Variants in NAB1 observed in about 807,000 individuals in gnomAD.
NAB1 encodes NGFI-A binding protein 1, also known as NGFI-A-binding protein 1.
Under a neutral mutation model 49.9 loss-of-function variants are expected in NAB1, and 25 were observed. That is an observed-to-expected ratio of 0.50 (90% CI 0.37 to 0.70). The LOEUF (loss-of-function observed/expected upper bound fraction) is 0.70, where lower values mean the gene tolerates loss of function less well. NAB1 is among the 30% of genes least tolerant of loss of function. NAB1 has a pLI of 0.00. For synonymous variants in NAB1, 198 were observed against 215.6 expected, an observed-to-expected ratio of 0.92 and a Z score of 0.71; for missense variants, 489 against 575.9, an observed-to-expected ratio of 0.85 and a Z score of 1.54.
chr2:190,681,318 G>T (rs925019468), intron 6 of NAB1, among the ~76,000 whole-genome samples: 3 of 152,186 alleles, frequency 2.0e-5, no homozygotes, highest in African/African-American at 7.2e-5. Context: ...CGCTTATATT[G>T]AAGTTGTTCT....
At position 190,674,886 on chromosome 2, in the gene NAB1, AC is replaced by A; in HGVS notation, c.1005+1739del. ...GGCAACATGGGGAGACCCTGTCTCT[AC>A]CCCCAAAAAAGTACTTATATTTGTA... On this transcript the variant is annotated intron_variant, in intron 6 of 9. Transcript: ENST00000337386. The surrounding 1 kb of genome is among the most constrained non-coding windows in gnomAD (Gnocchi z 5.7). 6.6e-6 allele frequency among the ~76,000 whole-genome samples: 1 copy of A among 152,244 alleles called. No individual in the cohort carries two copies. The highest frequency in any genetic ancestry group is 1.5e-5 in the Non-Finnish European group (1 of 68,012).
At position 190,690,261 on chromosome 2, in the gene NAB1, A is replaced by G. The variant is rs1559258668; in HGVS notation, c.1392A>G (p.Leu464=). 6.2e-7 allele frequency: 1 copy of G among 1,611,446 alleles called. No individual in the cohort carries two copies. The highest frequency in any genetic ancestry group is 8.5e-7 in the Non-Finnish European group (1 of 1,177,958). Residue 464 remains leucine (L), a synonymous_variant, in exon 10 of 10, where the codon TTA becomes TTG. Transcript: ENST00000337386. ...KSHSSESLGI[L]KDYPHSAFTL... Reference sequence around the variant, plus strand: ...TTTATGTAGAGAGCCTTGGGATTTTAAAAGACTACCCTCATTCAGCTTTTA... The same window carrying G: ...TTTATGTAGAGAGCCTTGGGATTTTGAAAGACTACCCTCATTCAGCTTTTA...
rs529467747 is a variant in NAB1, at chr2:190,667,548, C to G, written c.820-2778C>G. On this transcript the variant is annotated intron_variant, in intron 4 of 9. Transcript: ENST00000337386. This position sits in a 1 kb window ranked among gnomAD's most constrained non-coding sequence, Gnocchi z 4.4. ...AGGGGAGGAATTTATCTATTGATGA[C>G]TCTTTAGGAGGAGTGGAGAAGGCTG... is the stretch of plus-strand genomic sequence containing the variant. 4.1e-4 allele frequency among the ~76,000 whole-genome samples: 63 copies of G among 152,300 alleles called. No homozygotes were observed. The highest frequency in any genetic ancestry group is 1.4e-3 in the African/African-American group (59 of 41,576).
In NAB1 at chr2:190,685,514, T is replaced by C. The variant is rs1481144465; in HGVS notation, c.1134T>C (p.Leu378=). ...TGATGGCAAAGCAGATGGAGTTCCTTTGCAACCAAGCTGGCTATGAGAGAC... is the reference window on the plus strand; with the variant it reads ...TGATGGCAAAGCAGATGGAGTTCCTCTGCAACCAAGCTGGCTATGAGAGAC... ...EKVMAKQMEF[L]CNQAGYERLQ... The change falls in exon 8 of 10, where the codon CTT becomes CTC. Residue 378 remains leucine, a synonymous_variant. Transcript: ENST00000337386. The surrounding 1 kb of genome is among the most constrained non-coding windows in gnomAD (Gnocchi z 4.5). The C allele has an allele frequency of 5.0e-6, 8 of 1,613,330 alleles. No homozygotes were observed. Among genetic ancestry groups the C allele is most frequent in the Middle Eastern group, 1.7e-4 (1 of 5,960 alleles).
Position 190,689,825 on chromosome 2 carries a change from T to C in NAB1, c.1376-420T>C, listed in dbSNP as rs2125900378. Among the ~76,000 whole-genome samples the C allele has an allele frequency of 1.3e-5, 2 of 152,100 alleles. No homozygotes were observed. Among genetic ancestry groups the C allele is most frequent in the South Asian group, 4.1e-4 (2 of 4,830 alleles). ...TAACAGTTATTTATGAATAATCAGC[T>C]TCCTTTTATATATTTATCATGTTGG... On this transcript the variant is annotated intron_variant, in intron 9 of 9. Transcript: ENST00000337386. This position sits in a 1 kb window ranked among gnomAD's most constrained non-coding sequence, Gnocchi z 4.3.
intron 4 of NAB1, among the ~76,000 whole-genome samples, chr2:190,662,809 T>C (rs939215264): frequency 2.0e-5 from 3 of 152,058 alleles, no homozygotes; most frequent in Admixed American, 6.6e-5. Flanking sequence ...TCTAGAAAGA[T>C]AGGAAGGAGA....
chr2:190,651,016 T>A lies in NAB1; in HGVS notation c.-197+1034T>A, dbSNP rs1470366269. On this transcript the variant is annotated intron_variant, in intron 2 of 9. Transcript: ENST00000337386. This position sits in a 1 kb window ranked among gnomAD's most constrained non-coding sequence, Gnocchi z 4.3. ...CTAAAGTTAATATGCCATTTCGAGA[T>A]TAAAAATGTTTTTTTCCCGACTCTG... 6.6e-6 allele frequency among the ~76,000 whole-genome samples: 1 copy of A among 152,210 alleles called. No homozygotes were observed. Among genetic ancestry groups the A allele is most frequent in the Admixed American group, 6.5e-5 (1 of 15,284 alleles).
rs1203147958 is a variant in NAB1 at position 190,652,061 on chromosome 2, A to G, written c.-197+2079A>G. On this transcript the variant is annotated intron_variant, in intron 2 of 9. Transcript: ENST00000337386. This position sits in a 1 kb window ranked among gnomAD's most constrained non-coding sequence, Gnocchi z 4.2. The stretch of plus-strand genomic sequence containing the variant: ...TTCCCTTTCTGATCTGACATGTTCA[A>G]TAACTCATACAACAGTAGAATATAC... Among the ~76,000 whole-genome samples the G allele has an allele frequency of 6.6e-6, 1 of 152,232 alleles. No homozygotes were observed. The highest frequency in any genetic ancestry group is 2.4e-5 in the African/African-American group (1 of 41,460).
intron 3 of NAB1, among the ~76,000 whole-genome samples, chr2:190,658,143 T>G (rs1327023893): frequency 2.0e-5 from 3 of 152,194 alleles, no homozygotes; most frequent in Non-Finnish European, 4.4e-5. Context: ...TTGCTTGGGC[T>G]CAAAAAGTAT....
rs187136913 is a variant in NAB1, at chr2:190,666,120, C to T, written c.820-4206C>T. ...TTGAGCATTTAAAAGATGATCCCCT[C>T]CCTATTTTATTTAACATTTTTAGTT... is the stretch of plus-strand genomic sequence containing the variant. On this transcript the variant is annotated intron_variant, in intron 4 of 9. Transcript: ENST00000337386. The surrounding 1 kb of genome is among the most constrained non-coding windows in gnomAD (Gnocchi z 5.6). 6.6e-6 allele frequency among the ~76,000 whole-genome samples: 1 copy of T among 152,242 alleles called. No individual in the cohort carries two copies. Among genetic ancestry groups the T allele is most frequent in the Admixed American group, 6.5e-5 (1 of 15,294 alleles).
Position 190,690,434 on chromosome 2 carries a change from C to T in NAB1, c.*101C>T, listed in dbSNP as rs1346930043. ...ATAACCAGTGTTGCCTCATTCAGCT[C>T]AAACAGATTTCATAGCCAAAGCAAA... On this transcript the variant is annotated 3_prime_UTR_variant, in exon 10 of 10. Coordinates refer to ENST00000337386, the MANE Select transcript of NAB1 (RefSeq NM_005966.4). 2.2e-6 allele frequency: 2 copies of T among 909,128 alleles called. No individual in the cohort carries two copies. The allele number at this position is 909,128 out of a possible 1,614,324, so 56.3% of individuals were successfully genotyped here.
rs1314441203 is a variant in NAB1, at chr2:190,676,957, T to C, written c.1005+3805T>C. 6.6e-6 allele frequency: 1 copy of C among 152,218 alleles called. No homozygotes were observed. The highest frequency in any genetic ancestry group is 1.5e-5 in the Non-Finnish European group (1 of 68,030). 9.4% of individuals were successfully genotyped at this position (152,218 alleles called of 1,614,324 possible). On this transcript the variant is annotated intron_variant, in intron 6 of 9. Transcript: ENST00000337386. The surrounding 1 kb of genome is among the most constrained non-coding windows in gnomAD (Gnocchi z 4.6). The stretch of plus-strand genomic sequence containing the variant: ...AATAACATCAAAATAATTTGACATG[T>C]AAAGGAAAGAGAAACATTTTTTTGC...
rs1694770557 is a variant in NAB1, at chr2:190,670,886, A to G, written c.953+427A>G. ...TGAGATTAGCTGAATATGTAAAACG[A>G]CTCTATTGACTAGTATCTAAGGGAA... On this transcript the variant is annotated intron_variant, in intron 5 of 9. Transcript: ENST00000337386. This position sits in a 1 kb window ranked among gnomAD's most constrained non-coding sequence, Gnocchi z 5.3. Among the ~76,000 whole-genome samples, 3 of 152,206 alleles carry G rather than the reference A, an allele frequency of 2.0e-5. No individual in the cohort carries two copies. In the South Asian group the frequency reaches 6.2e-4, roughly 32 times the overall value.
Position 190,652,406 on chromosome 2 carries a change from C to T in NAB1, c.-197+2424C>T, listed in dbSNP as rs186851774. 1.6e-4 allele frequency among the ~76,000 whole-genome samples: 25 copies of T among 152,168 alleles called. No homozygotes were observed. The highest frequency in any genetic ancestry group is 4.8e-4 in the African/African-American group (20 of 41,502). The stretch of plus-strand genomic sequence containing the variant: ...TGGTTAAGAATTTCCAGCCATTGTA[C>T]GAAATGCTAGTATTTGCCTATTGTT... On this transcript the variant is annotated intron_variant, in intron 2 of 9. Coordinates refer to ENST00000337386, the MANE Select transcript of NAB1 (RefSeq NM_005966.4). This position sits in a 1 kb window ranked among gnomAD's most constrained non-coding sequence, Gnocchi z 4.2.
Position 190,666,650 on chromosome 2 carries a change from G to A in NAB1, c.820-3676G>A, listed in dbSNP as rs778912925. ...CTTGAACCCGGGGCGCTGAGGTTGC[G>A]CCACTGCATTCCAGCCTGGGAGACA... On this transcript the variant is annotated intron_variant, in intron 4 of 9. Coordinates refer to ENST00000337386, the MANE Select transcript of NAB1 (RefSeq NM_005966.4). The surrounding 1 kb of genome is among the most constrained non-coding windows in gnomAD (Gnocchi z 5.6). 7.9e-5 allele frequency among the ~76,000 whole-genome samples: 12 copies of A among 151,918 alleles called. No homozygotes were observed. Among genetic ancestry groups the A allele is most frequent in the Admixed American group, 2.6e-4 (4 of 15,252 alleles).
In NAB1 at chr2:190,673,411, G is replaced by A. The variant is rs146951709; in HGVS notation, c.1005+259G>A. 2.0e-5 allele frequency among the ~76,000 whole-genome samples: 3 copies of A among 152,114 alleles called. No homozygotes were observed. In the East Asian group the frequency reaches 5.8e-4, roughly 29 times the overall value. On this transcript the variant is annotated intron_variant, in intron 6 of 9. Transcript: ENST00000337386. ...TGGTCTCGCTATGTTGCCCAGGCTG[G>A]TCTTGCACTCAAACTCCTGGGCTCA...
rs1695208645 is a variant in NAB1 at position 190,679,123 on chromosome 2, T to C, written c.1006-4615T>C. Among the ~76,000 whole-genome samples the C allele has an allele frequency of 6.6e-6, 1 of 152,220 alleles. No individual in the cohort carries two copies. Among genetic ancestry groups the C allele is most frequent in the Non-Finnish European group, 1.5e-5 (1 of 68,046 alleles). On this transcript the variant is annotated intron_variant, in intron 6 of 9. Transcript: ENST00000337386. The surrounding 1 kb of genome is among the most constrained non-coding windows in gnomAD (Gnocchi z 5.3). ...AAAATATGACATGGAGATAGATTGC[T>C]CATAGTATGGTGCAGCTAGCTGGTG...
intron 4 of NAB1, among the ~76,000 whole-genome samples, chr2:190,662,282 T>C (rs1234890593): frequency 6.6e-6 from 1 of 152,236 alleles, no homozygotes; most frequent in Admixed American, 6.5e-5. Context: ...AAGATTATTT[T>C]TCTTGTAAGA....
intron 4 of NAB1, among the ~76,000 whole-genome samples, chr2:190,662,292 A>G (rs1407875465): frequency 6.6e-6 from 1 of 152,140 alleles, no homozygotes; most frequent in Admixed American, 6.5e-5. Flanking sequence ...TTCTTGTAAG[A>G]AGAAGAAAAT....
Sources: gnomAD v4.1 joint callset for allele counts (sites outside exome capture counted in the v4.1 genomes callset) on GRCh38, gnomAD v4.1.1 for gene constraint, Gnocchi (gnomAD v3.1) non-coding constraint, MANE v1.5 for transcripts, NCBI Gene and HGNC (gene_info 2026-07-23, HGNC 2026-07-21) for gene names.